The following PHF14 variants were observed in gnomAD, a reference collection of about 807,000 sequenced individuals.
PHF14 encodes the protein PHD finger protein 14.
In PHF14, 55 loss-of-function variants were observed where a neutral mutation model predicts 117.9. That is an observed-to-expected ratio of 0.47 (90% confidence interval 0.38 to 0.58). The LOEUF (loss-of-function observed/expected upper bound fraction) is 0.58, where lower values mean the gene tolerates loss of function less well. PHF14 is among the 20% of genes least tolerant of loss of function. The probability of loss-of-function intolerance (pLI) is 0.00; values close to 1 mark genes in which losing one functional copy is unlikely to be tolerated. For synonymous variants in PHF14, 409 were observed against 368.6 expected (o/e 1.11, Z -1.26); for missense variants, 978 against 1,122.2 (o/e 0.87, Z 1.84).
intron 17 of PHF14, among the ~76,000 whole-genome samples, chr7:11,124,594 G>GTT (rs200754100): frequency 1.3e-5 from 2 of 150,706 alleles, no homozygotes; most frequent in Non-Finnish European, 3.0e-5. Context: ...GGTGGTTATT[G>GTT]TTTTTTTTTA....
intron 2 of PHF14, among the ~76,000 whole-genome samples, chr7:10,982,019 T>C (rs1583325352): frequency 6.6e-6 from 1 of 152,184 alleles, no homozygotes; most frequent in South Asian, 2.1e-4. Context: ...AAAATTAAAA[T>C]CAAGTGCCCA....
chr7:10,978,731 C>T (rs1171694293), intron 2 of PHF14, among the ~76,000 whole-genome samples: 9 of 152,258 alleles, frequency 5.9e-5, no homozygotes. Flanking sequence ...TCTTTCCTAC[C>T]TGCCCCAGCC....
At position 10,982,623 on chromosome 7, in the gene PHF14, GA is replaced by G; in HGVS notation, c.368del (p.Lys123ArgfsTer78). ...RKKKEKEKEK[E>X]KEKEKEKERE... ...GAAAAAGGAGAAAGAGAAGGAAAAA[GA>G]AAAGGAAAAGGAGAAAGAGAAGGAA... On this transcript the variant is annotated frameshift_variant, in exon 3 of 18. Coordinates refer to ENST00000634607, the MANE Select transcript of PHF14 (RefSeq NM_001007157.2). LOFTEE classifies it high-confidence loss of function. The G allele has an allele frequency of 6.5e-7, 1 of 1,534,892 alleles. No individual in the cohort carries two copies. The highest frequency in any genetic ancestry group is 8.8e-7 in the Non-Finnish European group (1 of 1,133,978).
chr7:11,068,277 G>C (rs1785490535), intron 16 of PHF14, among the ~76,000 whole-genome samples: 1 of 150,574 alleles, frequency 6.6e-6, no homozygotes. Flanking sequence ...CATGAACCCG[G>C]AGGCAGGGCT....
intron 16 of PHF14, among the ~76,000 whole-genome samples, chr7:11,069,458 C>G (rs1438959704): frequency 6.6e-6 from 1 of 152,158 alleles, no homozygotes; most frequent in East Asian, 1.9e-4. Context: ...CTTCCATCCC[C>G]TCTGTCCCAG....
At chr7:10,981,671 T>A (rs1157764197) in intron 2 of PHF14, among the ~76,000 whole-genome samples, 1 of 152,238 alleles carries the variant, frequency 6.6e-6, no homozygotes, top group African/African-American at 2.4e-5. Context: ...GCGTAGAAGT[T>A]TTGAAAGTGT....
At chr7:10,977,616 A>G (rs1311207387) in intron 2 of PHF14, among the ~76,000 whole-genome samples, 2 of 152,200 alleles carry the variant, frequency 1.3e-5, no homozygotes, top group African/African-American at 2.4e-5. Context: ...AAGATAGTTT[A>G]TATTTTATTT....
intron 13 of PHF14, among the ~76,000 whole-genome samples, chr7:11,050,844 CT>C (rs1272589416): frequency 3.3e-5 from 5 of 151,704 alleles, no homozygotes; most frequent in Non-Finnish European, 5.9e-5. Context: ...ATAATATGAC[CT>C]TTTTTTTCCC....
intron 7 of PHF14, 131 bp downstream of exon 7, chr7:11,028,949 TC>T: frequency 1.3e-6 from 1 of 742,952 alleles, no homozygotes; most frequent in Non-Finnish European, 2.0e-6. Flanking sequence ...AGATCACTGT[TC>T]TAAAACTTTA....
intron 17 of PHF14, among the ~76,000 whole-genome samples, chr7:11,155,506 C>T (rs1788815794): frequency 6.6e-6 from 1 of 152,198 alleles, no homozygotes; most frequent in Non-Finnish European, 1.5e-5. Context: ...GTTCCCTTTA[C>T]TTAGAATATT....
At chr7:11,146,887 C>A (rs1788562037) in intron 17 of PHF14, among the ~76,000 whole-genome samples, 1 of 152,150 alleles carries the variant, frequency 6.6e-6, no homozygotes, top group Admixed American at 6.5e-5. Flanking sequence ...CACTCTGATA[C>A]CCAGGCTGGA....
intron 5 of PHF14, among the ~76,000 whole-genome samples, chr7:11,014,414 G>A (rs555205694): frequency 1.3e-5 from 2 of 152,258 alleles, no homozygotes; most frequent in Non-Finnish European, 2.9e-5. Flanking sequence ...GATTATCCAA[G>A]GAATGACAAA....
intron 13 of PHF14, among the ~76,000 whole-genome samples, chr7:11,047,011 T>TA (rs1784687577): frequency 6.6e-6 from 1 of 151,468 alleles, no homozygotes; most frequent in African/African-American, 2.5e-5. Flanking sequence ...TAAAGATTCA[T>TA]AAAATCCTTT....
chr7:10,994,900 A>T (rs1222307966), intron 4 of PHF14, among the ~76,000 whole-genome samples: 1 of 152,140 alleles, frequency 6.6e-6, no homozygotes, highest in Non-Finnish European at 1.5e-5. Flanking sequence ...CACAGTGTGG[A>T]AGGGGACCCG....
At chr7:11,093,536 C>T (rs569128278) in intron 16 of PHF14, among the ~76,000 whole-genome samples, 1 of 152,260 alleles carries the variant, frequency 6.6e-6, no homozygotes, top group African/African-American at 2.4e-5. Flanking sequence ...GAGTGCTTTT[C>T]GTCATTTGTA....
At chr7:11,149,907 G>A (rs1299164788) in intron 17 of PHF14, among the ~76,000 whole-genome samples, 4 of 151,554 alleles carry the variant, frequency 2.6e-5, no homozygotes, top group Non-Finnish European at 5.9e-5. Flanking sequence ...GCTTGTGTTG[G>A]CTAACATCTC....
chr7:11,081,429 A>G (rs1786096150), intron 16 of PHF14, among the ~76,000 whole-genome samples: 1 of 152,222 alleles, frequency 6.6e-6, no homozygotes, highest in African/African-American at 2.4e-5. Context: ...AATGCCTGGT[A>G]TTACAAGAGT....
At chr7:11,001,627 G>A (rs1460404764) in intron 4 of PHF14, among the ~76,000 whole-genome samples, 1 of 57,392 alleles carries the variant, frequency 1.7e-5, no homozygotes, top group African/African-American at 7.8e-5. Flanking sequence ...TTTTTGGGGG[G>A]TGCTAATGTA....
At chr7:11,101,209 G>A in intron 16 of PHF14, among the ~76,000 whole-genome samples, 1 of 151,672 alleles carries the variant, frequency 6.6e-6, no homozygotes, top group East Asian at 1.9e-4. Context: ...ATTTAATTGG[G>A]GGTTAAAGCA....
Sources: gnomAD v4.1 joint callset for allele counts (sites outside exome capture counted in the v4.1 genomes callset) on GRCh38, gnomAD v4.1.1 for gene constraint, MANE v1.5 for transcripts, NCBI Gene and HGNC (gene_info 2026-07-23, HGNC 2026-07-21) for gene names.